TGFBR3: variants seen among roughly 807,000 people sequenced by gnomAD.
TGFBR3 encodes the protein transforming growth factor beta receptor type 3.
Under a neutral mutation model 87.9 loss-of-function variants are expected in TGFBR3, and 46 were observed. The ratio of observed to expected loss-of-function variants is 0.52; its 90% CI spans 0.41 to 0.67. The LOEUF (loss-of-function observed/expected upper bound fraction) is 0.67. Ranked by LOEUF, TGFBR3 falls within the 30% of genes least tolerant of loss-of-function variation. The pLI, the probability that TGFBR3 is intolerant of heterozygous loss-of-function variation, is 0.00. For synonymous variants in TGFBR3, 381 were observed against 391.6 expected, an observed-to-expected ratio of 0.97 and a Z score of 0.32; for missense variants, 866 against 1,041.9, an observed-to-expected ratio of 0.83 and a Z score of 2.32.
chr1:91,834,879 C>T lies in TGFBR3; in HGVS notation c.61+26592G>A, dbSNP rs142737666. 4.8e-3 allele frequency among the ~76,000 whole-genome samples: 729 copies of T among 152,248 alleles called. 3 individuals are homozygous for T. Among genetic ancestry groups the T allele is most frequent in the African/African-American group, 0.016 (676 of 41,548 alleles). On this transcript the variant is annotated intron_variant, in intron 2 of 16. Transcript: ENST00000212355. Reference sequence around the variant, plus strand: ...ATTTTTAGTAGAGTCAGGGTTTTGCCATGTTGGCCAGGCTGGTCTCAAACT... The same window carrying T: ...ATTTTTAGTAGAGTCAGGGTTTTGCTATGTTGGCCAGGCTGGTCTCAAACT...
At chr1:91,778,157 G>C (rs529933321) in intron 3 of TGFBR3, among the ~76,000 whole-genome samples, 1 of 143,974 alleles carries the variant, frequency 6.9e-6, no homozygotes, top group South Asian at 2.2e-4. Flanking sequence ...CTTAATCTAG[G>C]TTAAAAAAAA....
At chr1:91,862,342 T>C (rs1171301610) in intron 1 of TGFBR3, among the ~76,000 whole-genome samples, 2 of 152,194 alleles carry the variant, frequency 1.3e-5, no homozygotes, top group Non-Finnish European at 2.9e-5. Flanking sequence ...CTCAATCTAA[T>C]GTTATAATAA....
chr1:91,809,079 C>T (rs1177723597), intron 2 of TGFBR3, among the ~76,000 whole-genome samples: 2 of 152,062 alleles, frequency 1.3e-5, no homozygotes, highest in African/African-American at 4.8e-5. Context: ...GAACTTTATC[C>T]CATAAAAAAA....
At chr1:91,905,545 GCCTCA>G (rs1679827667) in intron 1 of TGFBR3, among the ~76,000 whole-genome samples, 1 of 152,124 alleles carries the variant, frequency 6.6e-6, no homozygotes, top group African/African-American at 2.4e-5. Context: ...CGATTCTCGT[GCCTCA>G]GCCTCCCAAG....
intron 2 of TGFBR3, among the ~76,000 whole-genome samples, chr1:91,838,454 ATC>A (rs1677138688): frequency 6.8e-6 from 1 of 146,796 alleles, no homozygotes; most frequent in Non-Finnish European, 1.5e-5. Context: ...ATTTTTGGAA[ATC>A]TCTTTTTTTT....
At chr1:91,785,326 G>T (rs1674916738) in intron 3 of TGFBR3, among the ~76,000 whole-genome samples, 1 of 152,200 alleles carries the variant, frequency 6.6e-6, no homozygotes, top group African/African-American at 2.4e-5. Context: ...CGGGTCGTGG[G>T]GGGCACACAC....
At chr1:91,750,213 C>A (rs2100868754) in intron 4 of TGFBR3, among the ~76,000 whole-genome samples, 1 of 152,292 alleles carries the variant, frequency 6.6e-6, no homozygotes, top group South Asian at 2.1e-4. Context: ...AAAATACACC[C>A]AGGCAAATCT....
intron 12 of TGFBR3, among the ~76,000 whole-genome samples, chr1:91,714,762 C>T (rs1008256910): frequency 1.3e-5 from 2 of 152,126 alleles, no homozygotes; most frequent in Non-Finnish European, 2.9e-5. Context: ...GACCAACTGC[C>T]CATGTGAACT....
intron 5 of TGFBR3, among the ~76,000 whole-genome samples, chr1:91,731,305 G>T (rs767536101): frequency 1.3e-4 from 20 of 151,956 alleles, no homozygotes; most frequent in Non-Finnish European, 2.6e-4. Flanking sequence ...GCTGAGGTCC[G>T]CAGCACACAC....
At chr1:91,827,838 G>A (rs991652159) in intron 2 of TGFBR3, among the ~76,000 whole-genome samples, 3 of 152,188 alleles carry the variant, frequency 2.0e-5, no homozygotes, top group Non-Finnish European at 4.4e-5. Context: ...GCTTCAGTAA[G>A]GCTGCAGTCA....
At chr1:91,858,440 C>A (rs1678044903) in intron 2 of TGFBR3, among the ~76,000 whole-genome samples, 2 of 151,706 alleles carry the variant, frequency 1.3e-5, no homozygotes, top group South Asian at 2.1e-4. Context: ...CACGATGAAA[C>A]CCCATCTCTA....
chr1:91,727,728 G>A lies in TGFBR3; in HGVS notation c.816C>T (p.Ile272=), dbSNP rs183798036. The A allele has an allele frequency of 2.5e-6, 4 of 1,614,112 alleles. No homozygotes were observed. In the African/African-American group the frequency reaches 5.3e-5, roughly 22 times the overall value. ...AGTTGACAGACTTTTTGCACTTCAAGATCAGGATGAGATTTTTGACCACTT... is the reference window on the plus strand; with the variant it reads ...AGTTGACAGACTTTTTGCACTTCAAAATCAGGATGAGATTTTTGACCACTT... ...DLEVVKNLIL[I]LKCKKSVNWV... Residue 272 remains isoleucine (I), a synonymous_variant, in exon 7 of 17, where the codon ATC becomes ATT. Coordinates refer to ENST00000212355, the MANE Select transcript of TGFBR3 (RefSeq NM_003243.5).
intron 2 of TGFBR3, among the ~76,000 whole-genome samples, chr1:91,805,568 A>G (rs1244872953): frequency 6.6e-6 from 1 of 152,206 alleles, no homozygotes; most frequent in Non-Finnish European, 1.5e-5. Flanking sequence ...GGTGGCCCAG[A>G]CCACGGCCAC....
At position 91,821,772 on chromosome 1, in the gene TGFBR3, T is replaced by C. The variant is rs1676461065; in HGVS notation, c.62-24301A>G. Among the ~76,000 whole-genome samples, 4 of 152,348 alleles carry C rather than the reference T, an allele frequency of 2.6e-5. 1 individual carries two copies. The South Asian group carries it at 8.3e-4, about 32-fold the overall frequency. ...GTTCTGTCTATACCATCTGAAACTT[T>C]GCCTTAGTTTTCTCATTTGTAAAAT... On this transcript the variant is annotated intron_variant, in intron 2 of 16. Transcript: ENST00000212355.
exon 1 of TGFBR3, chr1:91,905,833 T>A (rs1679834879): frequency 6.6e-6 from 1 of 152,236 alleles, no homozygotes; most frequent in African/African-American, 2.4e-5. Flanking sequence ...GACCTCAATG[T>A]TGCCAGAGCT....
intron 1 of TGFBR3, among the ~76,000 whole-genome samples, chr1:91,873,282 CTTT>C (rs34364302): frequency 5.0e-5 from 5 of 100,944 alleles, no homozygotes; most frequent in Admixed American, 1.2e-4. Flanking sequence ...ATTTTCCCTT[CTTT>C]TTTTTTTTTT....
chr1:91,842,550 T>C (rs1677325005), intron 2 of TGFBR3, among the ~76,000 whole-genome samples: 3 of 152,128 alleles, frequency 2.0e-5, no homozygotes, highest in African/African-American at 7.2e-5. Context: ...AGGTGCTCAG[T>C]TCAAATCCAC....
chr1:91,777,061 G>A (rs1182014416), intron 3 of TGFBR3, among the ~76,000 whole-genome samples: 2 of 152,158 alleles, frequency 1.3e-5, no homozygotes, highest in Non-Finnish European at 2.9e-5. Context: ...ACCTGTGCTC[G>A]CTGCCTTTCC....
intron 12 of TGFBR3, 76 bp from the exon 13 acceptor site, chr1:91,712,618 C>T: frequency 7.3e-7 from 1 of 1,364,698 alleles, no homozygotes; most frequent in Non-Finnish European, 1.0e-6. Context: ...GACCATATGC[C>T]AAGACAGCCC....
Sources: gnomAD v4.1 joint callset for allele counts (sites outside exome capture counted in the v4.1 genomes callset) on GRCh38, gnomAD v4.1.1 for gene constraint, MANE v1.5 for transcripts, NCBI Gene and HGNC (gene_info 2026-07-23, HGNC 2026-07-21) for gene names.